The following PALLD variants were observed in gnomAD, a reference collection of about 807,000 sequenced individuals.
The protein encoded by PALLD is palladin, cytoskeletal associated protein, also known as palladin.
Under a neutral mutation model 123.5 loss-of-function variants are expected in PALLD, and 61 were observed. That is an observed-to-expected ratio of 0.49 (90% confidence interval 0.40 to 0.61). The LOEUF (loss-of-function observed/expected upper bound fraction) is 0.61, where lower values mean the gene tolerates loss of function less well. PALLD is among the 20% of genes least tolerant of loss of function. The pLI is 0.00. For synonymous variants in PALLD, 465 were observed against 496.4 expected, an observed-to-expected ratio of 0.94 and a Z score of 0.84; for missense variants, 1,273 against 1,377.0, an observed-to-expected ratio of 0.92 and a Z score of 1.20.
intron 10 of PALLD, among the ~76,000 whole-genome samples, chr4:168,713,481 A>G (rs892532872): frequency 1.3e-5 from 2 of 152,114 alleles, no homozygotes; most frequent in Non-Finnish European, 2.9e-5. Context: ...AAGTCTATCT[A>G]CTCTAATGGG....
chr4:168,711,664 T>G lies in PALLD; in HGVS notation c.1705T>G (p.Leu569Val). ...FQHFPPPPPI[L>V]ETSSLELASK... ...ACACTTTCCACCTCCCCCTCCAATC[T>G]TGGAGACAAGTTCCTTGGAGTTGGC... Residue 569 changes from leucine to valine, a missense_variant, in exon 10 of 22, where the codon TTG becomes GTG. Coordinates refer to ENST00000505667, the MANE Select transcript of PALLD (RefSeq NM_001166108.2). 1 of 1,614,098 alleles carries G rather than the reference T, an allele frequency of 6.2e-7. No homozygotes were observed. Among genetic ancestry groups the G allele is most frequent in the East Asian group, 2.2e-5 (1 of 44,890 alleles).
intron 2 of PALLD, among the ~76,000 whole-genome samples, chr4:168,550,425 G>A (rs1766610224): frequency 6.6e-6 from 1 of 152,088 alleles, no homozygotes; most frequent in South Asian, 2.1e-4. Context: ...CTGTTCCTCT[G>A]GGATAAAATA....
At chr4:168,745,048 C>T (rs1730081165) in intron 10 of PALLD, among the ~76,000 whole-genome samples, 1 of 152,198 alleles carries the variant, frequency 6.6e-6, no homozygotes, top group African/African-American at 2.4e-5. Flanking sequence ...AATCCTGACT[C>T]TACCTCTTTA....
At chr4:168,526,413 T>C (rs948657208) in intron 2 of PALLD, among the ~76,000 whole-genome samples, 3 of 152,194 alleles carry the variant, frequency 2.0e-5, no homozygotes, top group Non-Finnish European at 2.9e-5. Flanking sequence ...TTAAACCTTC[T>C]CACATCCGTG....
intron 2 of PALLD, among the ~76,000 whole-genome samples, chr4:168,595,960 A>C (rs921389098): frequency 8.6e-5 from 13 of 151,048 alleles, no homozygotes; most frequent in Admixed American, 3.3e-4. Context: ...AAAAAAAAAA[A>C]CAGAATACCC....
chr4:168,903,947 T>G, intron 15 of PALLD, 41 bp downstream of exon 15: 1 of 1,561,408 alleles, frequency 6.4e-7, no homozygotes, highest in South Asian at 1.1e-5. Flanking sequence ...CTGTGTCTAG[T>G]GCTTACAGGC....
chr4:168,583,572 C>T (rs1770506403), intron 2 of PALLD, among the ~76,000 whole-genome samples: 1 of 152,096 alleles, frequency 6.6e-6, no homozygotes, highest in Non-Finnish European at 1.5e-5. Flanking sequence ...ATTTCCTAGT[C>T]TGGGTTCCTC....
intron 10 of PALLD, among the ~76,000 whole-genome samples, chr4:168,860,321 G>GC (rs1749271068): frequency 6.6e-6 from 1 of 152,178 alleles, no homozygotes; most frequent in South Asian, 2.1e-4. Context: ...CTGGACAGAA[G>GC]CCCCCTCGGA....
chr4:168,619,023 G>A (rs1001275474), intron 2 of PALLD, among the ~76,000 whole-genome samples: 5 of 152,138 alleles, frequency 3.3e-5, no homozygotes, highest in Non-Finnish European at 7.3e-5. Flanking sequence ...TGTGGATGCC[G>A]AGCCATGACG....
At chr4:168,586,919 T>C (rs1040835477) in intron 2 of PALLD, among the ~76,000 whole-genome samples, 2 of 152,128 alleles carry the variant, frequency 1.3e-5, no homozygotes, top group African/African-American at 2.4e-5. Context: ...AGGGGTACCA[T>C]GCGATAAGAG....
At chr4:168,854,125 AAAT>A (rs1748219491) in intron 10 of PALLD, among the ~76,000 whole-genome samples, 1 of 152,136 alleles carries the variant, frequency 6.6e-6, no homozygotes, top group African/African-American at 2.4e-5. Flanking sequence ...AGTGTTCAGT[AAAT>A]GTTTGCTACT....
intron 10 of PALLD, among the ~76,000 whole-genome samples, chr4:168,810,677 T>G (rs1446726065): frequency 2.7e-5 from 4 of 150,140 alleles, no homozygotes; most frequent in African/African-American, 4.9e-5. Flanking sequence ...GCGTGGTGGC[T>G]CACGCCTGTA....
At chr4:168,886,091 A>C (rs868293327) in intron 10 of PALLD, among the ~76,000 whole-genome samples, 1 of 152,376 alleles carries the variant, frequency 6.6e-6, no homozygotes, top group Middle Eastern at 3.4e-3. Context: ...AATTTGAATT[A>C]AATGTACTAA....
chr4:168,925,866 A>C (rs764923897), intron 21 of PALLD, among the ~76,000 whole-genome samples: 18 of 152,156 alleles, frequency 1.2e-4, no homozygotes, highest in Non-Finnish European at 1.8e-4. Context: ...AAGTGCTATA[A>C]TTATTTTAGA....
At chr4:168,795,707 T>A (rs1369572276) in intron 10 of PALLD, among the ~76,000 whole-genome samples, 1 of 108,542 alleles carries the variant, frequency 9.2e-6, no homozygotes, top group Non-Finnish European at 1.8e-5. Flanking sequence ...TTTCCCTAAT[T>A]GTCTTTTTTT....
chr4:168,512,465 C>T, intron 2 of PALLD, 53 bp downstream of exon 2: 1 of 1,473,064 alleles, frequency 6.8e-7, no homozygotes, highest in South Asian at 1.2e-5. Flanking sequence ...TTTGGTGTTA[C>T]TTTAATATGG....
chr4:168,558,303 T>C (rs1291443928), intron 2 of PALLD, among the ~76,000 whole-genome samples: 1 of 152,174 alleles, frequency 6.6e-6, no homozygotes, highest in Non-Finnish European at 1.5e-5. Flanking sequence ...AGATCTCCTT[T>C]CCTGTGAAAC....
At chr4:168,769,339 A>G (rs1206476269) in intron 10 of PALLD, among the ~76,000 whole-genome samples, 1 of 152,206 alleles carries the variant, frequency 6.6e-6, no homozygotes, top group East Asian at 1.9e-4. Flanking sequence ...TCATCTGTAT[A>G]AGGTCTCGTC....
intron 10 of PALLD, among the ~76,000 whole-genome samples, chr4:168,737,300 CT>C (rs1206770951): frequency 2.0e-5 from 3 of 151,808 alleles, no homozygotes; most frequent in East Asian, 3.9e-4. Context: ...TCTTTTTTTT[CT>C]TTTTTATAAG....
Sources: gnomAD v4.1 joint callset for allele counts (sites outside exome capture counted in the v4.1 genomes callset) on GRCh38, gnomAD v4.1.1 for gene constraint, MANE v1.5 for transcripts, NCBI Gene and HGNC (gene_info 2026-07-23, HGNC 2026-07-21) for gene names.